RIC3: variants seen among roughly 807,000 people sequenced by gnomAD.
RIC3 encodes RIC3 acetylcholine receptor chaperone, also known as protein RIC-3.
In RIC3, 28 loss-of-function variants were observed where a neutral mutation model predicts 27.3. The ratio of observed to expected loss-of-function variants is 1.02; its 90% CI spans 0.76 to 1.41. The LOEUF is 1.41. Among genes scored for constraint, RIC3 ranks in the 40% most tolerant of loss-of-function variants. The probability of loss-of-function intolerance (pLI) is 0.00; values close to 1 mark genes in which losing one functional copy is unlikely to be tolerated. For synonymous variants in RIC3, 184 were observed against 160.4 expected (o/e 1.15, Z -1.11); for missense variants, 501 against 444.7 (o/e 1.13, Z -1.14).
Position 8,110,247 on chromosome 11 carries a change from C to T in RIC3, c.*451G>A, listed in dbSNP as rs944502501. ...ATGTTCTCTTCTCACCAGGGGACTACTAACCTGCTCAAGGCCCAAAGAATA... is the reference window on the plus strand; with the variant it reads ...ATGTTCTCTTCTCACCAGGGGACTATTAACCTGCTCAAGGCCCAAAGAATA... On this transcript the variant is annotated 3_prime_UTR_variant, in exon 6 of 6. Transcript: ENST00000309737. 1 of 283,672 alleles carries T rather than the reference C, an allele frequency of 3.5e-6. No homozygotes were observed. The highest frequency in any genetic ancestry group is 6.8e-6 in the Non-Finnish European group (1 of 146,550). The allele number at this position is 283,672 out of a possible 1,614,324, so 17.6% of individuals were successfully genotyped here.
intron 4 of RIC3, among the ~76,000 whole-genome samples, chr11:8,129,719 C>A (rs1315872196): frequency 2.0e-5 from 3 of 152,180 alleles, no homozygotes; most frequent in Non-Finnish European, 4.4e-5. Flanking sequence ...TAATACCATT[C>A]ATGGTTAGAA....
chr11:8,095,455 C>G, the RIC3 span: 1 of 1,567,220 alleles, frequency 6.4e-7, no homozygotes, highest in Admixed American at 1.8e-5. Context: ...AGGCCCTCCT[C>G]TCCTCCTCCT....
At chr11:8,144,586 T>G (rs1032072966) in intron 1 of RIC3, among the ~76,000 whole-genome samples, 1 of 151,702 alleles carries the variant, frequency 6.6e-6, no homozygotes, top group Non-Finnish European at 1.5e-5. Context: ...TTGGTGGGAC[T>G]GTAAACTAGT....
At position 8,108,678 on chromosome 11, in the gene RIC3, A is replaced by C. The variant is rs1944925525; in HGVS notation, c.*2020T>G. On this transcript the variant is annotated 3_prime_UTR_variant, in exon 6 of 6. Transcript: ENST00000309737. ...AGGATTCACGATCCTGAGCCCTCTT[A>C]CAGGGTCATAGTTCATTTTATCTGT... 6.6e-6 allele frequency: 1 copy of C among 152,186 alleles called. No individual in the cohort carries two copies. The highest frequency in any genetic ancestry group is 1.5e-5 in the Non-Finnish European group (1 of 68,032). The allele number at this position is 152,186 out of a possible 1,614,324, so 9.4% of individuals were successfully genotyped here. A position where few individuals can be genotyped will look rare whatever the true frequency, so the allele number is the denominator to read the frequency against.
rs1164347005 is a variant in RIC3, at chr11:8,108,514, T to C, written c.*2184A>G. 1.3e-5 allele frequency: 2 copies of C among 152,240 alleles called. No individual in the cohort carries two copies. Among genetic ancestry groups the C allele is most frequent in the Non-Finnish European group, 2.9e-5 (2 of 68,040 alleles). The allele number at this position is 152,240 out of a possible 1,614,324, so 9.4% of individuals were successfully genotyped here. A position where few individuals can be genotyped will look rare whatever the true frequency, so the allele number is the denominator to read the frequency against. Reference sequence around the variant, plus strand: ...ACCAATGCTGTTTTACACACACTGATGATTTCATTTAACCAGGACCTTTAA... The same window carrying C: ...ACCAATGCTGTTTTACACACACTGACGATTTCATTTAACCAGGACCTTTAA... On this transcript the variant is annotated 3_prime_UTR_variant, in exon 6 of 6. Coordinates refer to ENST00000309737, the MANE Select transcript of RIC3 (RefSeq NM_001206671.4).
In RIC3 at chr11:8,109,720, A is replaced by T. The variant is rs185719546; in HGVS notation, c.*978T>A. ...CATTCAGAAACAGCTTTAGGTAAGG[A>T]CTGTCCATAAGCACACAGATTCTCT... On this transcript the variant is annotated 3_prime_UTR_variant, in exon 6 of 6. Coordinates refer to ENST00000309737, the MANE Select transcript of RIC3 (RefSeq NM_001206671.4). The T allele has an allele frequency of 6.6e-6, 1 of 152,308 alleles. No individual in the cohort carries two copies. The highest frequency in any genetic ancestry group is 1.9e-4 in the East Asian group (1 of 5,184). The allele number at this position is 152,308 out of a possible 1,614,324, so 9.4% of individuals were successfully genotyped here.
chr11:8,151,154 A>C (rs997953973), intron 1 of RIC3, among the ~76,000 whole-genome samples: 1 of 152,238 alleles, frequency 6.6e-6, no homozygotes, highest in Non-Finnish European at 1.5e-5. Context: ...ATGTCATCAA[A>C]ATTTTAAACT....
intron 4 of RIC3, 71 bp from the exon 5 acceptor site, chr11:8,126,878 G>A (rs1441640739): frequency 6.4e-7 from 1 of 1,561,914 alleles, no homozygotes; most frequent in Non-Finnish European, 8.8e-7. Context: ...ACATCACTAT[G>A]GTCTGTCTGG....
Position 8,147,183 on chromosome 11 carries a change from C to T in RIC3, c.125-6990G>A, listed in dbSNP as rs557401992. Among the ~76,000 whole-genome samples the T allele has an allele frequency of 7.9e-5, 12 of 152,290 alleles. No homozygotes were observed. The South Asian group carries it at 1.0e-3, about 13-fold the overall frequency. ...TTCCTGCCTTTGCTTTAAGTTATCC[C>T]GCCTTTCCAGACCAAACCAATGTAC... On this transcript the variant is annotated intron_variant, in intron 1 of 5. Transcript: ENST00000309737.
In RIC3 at chr11:8,110,746, T is replaced by A. The variant is rs780997098; in HGVS notation, c.1062A>T (p.Ala354=). The A allele has an allele frequency of 1.4e-5, 22 of 1,614,114 alleles. No homozygotes were observed. In the Admixed American group the frequency reaches 2.0e-4, roughly 15 times the overall value. ...DEGLGISTDK[A]YTGSMLRKRN... ...GCTTCCTCAGCATGCTGCCTGTATA[T>A]GCTTTATCGGTGCTGATGCCCAACC... The change falls in exon 6 of 6, where the codon GCA becomes GCT. Residue 354 remains alanine, a synonymous_variant. Transcript: ENST00000309737.
rs780225610 is a variant in RIC3, at chr11:8,140,040, C to T, written c.278G>A (p.Arg93Lys). The T allele has an allele frequency of 6.2e-7, 1 of 1,614,116 alleles. No homozygotes were observed. The highest frequency in any genetic ancestry group is 8.5e-7 in the Non-Finnish European group (1 of 1,180,028). Residue 93 changes from arginine to lysine, a missense_variant, in exon 2 of 6, where the codon AGA becomes AAA. Transcript: ENST00000309737. Reference protein sequence around the residue: ...GGGAGGGGSGRGLMGQIIPIY... With the variant: ...GGGAGGGGSGKGLMGQIIPIY... Reference sequence around the variant, plus strand: ...TGGAATAATCTGCCCCATCAGACCTCTTCCACTACCTCCTCCTCCAGCACC... The same window carrying T: ...TGGAATAATCTGCCCCATCAGACCTTTTCCACTACCTCCTCCTCCAGCACC...
the RIC3 span, chr11:8,095,793 A>G: frequency 9.5e-7 from 1 of 1,054,856 alleles, no homozygotes; most frequent in Non-Finnish European, 1.4e-6. Context: ...AGGGTGGGGC[A>G]CACTTCGGAG....
intron 1 of RIC3, among the ~76,000 whole-genome samples, chr11:8,157,517 C>A (rs1377171908): frequency 1.3e-5 from 2 of 152,216 alleles, no homozygotes; most frequent in African/African-American, 4.8e-5. Flanking sequence ...ATACACTCAA[C>A]TTGTTCAACT....
chr11:8,159,277 T>C (rs2134247236), intron 1 of RIC3, among the ~76,000 whole-genome samples: 1 of 152,232 alleles, frequency 6.6e-6, no homozygotes, highest in Admixed American at 6.5e-5. Context: ...GGCACTGAAG[T>C]GGGAACATGC....
At chr11:8,168,787 C>CA in intron 1 of RIC3, 79 bp downstream of exon 1, 3 of 1,533,702 alleles carry the variant, frequency 2.0e-6, no homozygotes, top group Non-Finnish European at 1.8e-6. Context: ...TGCAGACTCT[C>CA]AGAGTCACCC....
chr11:8,148,754 G>C (rs1949958326), intron 1 of RIC3, among the ~76,000 whole-genome samples: 1 of 152,138 alleles, frequency 6.6e-6, no homozygotes, highest in South Asian at 2.1e-4. Flanking sequence ...ATGGAACAAT[G>C]CCTTCAAAAC....
chr11:8,145,998 C>T (rs1045229636), intron 1 of RIC3, among the ~76,000 whole-genome samples: 11 of 152,158 alleles, frequency 7.2e-5, no homozygotes, highest in African/African-American at 7.2e-5. Flanking sequence ...CATATGTACA[C>T]ACCCTATGAT....
At chr11:8,141,620 G>A (rs866036839) in intron 1 of RIC3, among the ~76,000 whole-genome samples, 6 of 151,522 alleles carry the variant, frequency 4.0e-5, no homozygotes, top group South Asian at 2.1e-4. Context: ...ACAGATCAAC[G>A]AGACAGAAAG....
intron 1 of RIC3, among the ~76,000 whole-genome samples, chr11:8,152,584 A>T (rs1950334628): frequency 1.3e-5 from 2 of 152,190 alleles, no homozygotes; most frequent in Admixed American, 1.3e-4. Flanking sequence ...CAGAGGAAGG[A>T]AAAAGTGACT....
Sources: allele counts gnomAD v4.1 joint callset (sites outside exome capture counted in the v4.1 genomes callset), GRCh38; gene constraint gnomAD v4.1.1; transcripts MANE v1.5; gene names NCBI Gene and HGNC (gene_info 2026-07-23, HGNC 2026-07-21).